CALN1: variants seen among roughly 807,000 people sequenced by gnomAD.
The protein encoded by CALN1 is calcium-binding protein 8.
In CALN1, 17 loss-of-function variants were observed where a neutral mutation model predicts 30.6. That is an observed-to-expected ratio of 0.56 (90% CI 0.38 to 0.83). CALN1 has a LOEUF of 0.83. Among genes scored for constraint, CALN1 ranks in the 40% least tolerant of loss-of-function variants. The pLI, the probability that CALN1 is intolerant of heterozygous loss-of-function variation, is 0.00. For synonymous variants in CALN1, 156 were observed against 131.4 expected, an observed-to-expected ratio of 1.19 and a Z score of -1.28; for missense variants, 291 against 354.9, an observed-to-expected ratio of 0.82 and a Z score of 1.45.
In CALN1 at chr7:72,392,390, C is replaced by G. The variant is rs531980701; in HGVS notation, c.119+10861G>C. 2.6e-5 allele frequency among the ~76,000 whole-genome samples: 4 copies of G among 152,294 alleles called. No homozygotes were observed. In the East Asian group the frequency reaches 7.7e-4, roughly 29 times the overall value. On this transcript the variant is annotated intron_variant, in intron 2 of 6. Coordinates refer to ENST00000395275, the MANE Select transcript of CALN1 (RefSeq NM_031468.4). Reference sequence around the variant, plus strand: ...TTATTACAAAGCAATAGTAACTGGACTCAGAGACAAAAAGTTCAGGAAGAG... The same window carrying G: ...TTATTACAAAGCAATAGTAACTGGAGTCAGAGACAAAAAGTTCAGGAAGAG...
chr7:72,205,551 A>AAATATATACATATATATATATACATAT, intron 3 of CALN1, among the ~76,000 whole-genome samples: 1 of 83,052 alleles, frequency 1.2e-5, no homozygotes, highest in Admixed American at 1.4e-4. Flanking sequence ...GCAAAAAAAA[A>AAATATATACATATATATATATACATAT]ATATATATAT....
At chr7:72,233,514 G>C (rs1194451939) in intron 3 of CALN1, among the ~76,000 whole-genome samples, 2 of 152,072 alleles carry the variant, frequency 1.3e-5, no homozygotes, top group African/African-American at 4.8e-5. Context: ...CCAGGAGTTT[G>C]AGACCAGCAT....
At chr7:71,951,216 G>A (rs1207436377) in intron 5 of CALN1, among the ~76,000 whole-genome samples, 1 of 152,128 alleles carries the variant, frequency 6.6e-6, no homozygotes, top group Non-Finnish European at 1.5e-5. Context: ...TGGCATAAGG[G>A]ACTTTGATCA....
At chr7:72,328,667 T>C (rs1801450646) in intron 2 of CALN1, among the ~76,000 whole-genome samples, 1 of 152,212 alleles carries the variant, frequency 6.6e-6, no homozygotes. Context: ...CAACATTCTA[T>C]TCAAGGCATT....
At chr7:72,401,301 C>T (rs1806325179) in intron 2 of CALN1, among the ~76,000 whole-genome samples, 3 of 150,364 alleles carry the variant, frequency 2.0e-5, no homozygotes, top group African/African-American at 7.5e-5. Flanking sequence ...GCTGTGTTCT[C>T]ACTCCCCTCC....
intron 3 of CALN1, among the ~76,000 whole-genome samples, chr7:72,142,539 A>G (rs1032370197): frequency 6.6e-6 from 1 of 152,152 alleles, no homozygotes; most frequent in African/African-American, 2.4e-5. Context: ...TGGAGACTCC[A>G]CCTCTGGGGG....
intron 3 of CALN1, among the ~76,000 whole-genome samples, chr7:72,254,959 T>C (rs964316806): frequency 1.3e-5 from 2 of 151,998 alleles, no homozygotes; most frequent in Admixed American, 1.3e-4. Flanking sequence ...TTATTATTTA[T>C]TGTTTGTATT....
chr7:72,310,613 G>C (rs367900305), intron 2 of CALN1, among the ~76,000 whole-genome samples: 3 of 151,834 alleles, frequency 2.0e-5, no homozygotes, highest in South Asian at 2.1e-4. Context: ...ACATCAAAAC[G>C]TAAGAGCAGG....
intron 2 of CALN1, among the ~76,000 whole-genome samples, chr7:72,354,080 G>A (rs1803088839): frequency 6.6e-6 from 1 of 152,060 alleles, no homozygotes; most frequent in Non-Finnish European, 1.5e-5. Flanking sequence ...CCAGCTACTC[G>A]GGAGGCTGAG....
chr7:72,260,569 G>A (rs1796196976), intron 3 of CALN1, among the ~76,000 whole-genome samples: 1 of 152,144 alleles, frequency 6.6e-6, no homozygotes, highest in Non-Finnish European at 1.5e-5. Flanking sequence ...CAGCAGCTCA[G>A]GGCACTTTTC....
chr7:72,139,352 A>C (rs1435383339), intron 3 of CALN1, among the ~76,000 whole-genome samples: 2 of 140,006 alleles, frequency 1.4e-5, no homozygotes, highest in Non-Finnish European at 3.1e-5. Flanking sequence ...GCCCACCTCC[A>C]CCATGCCCAC....
intron 2 of CALN1, among the ~76,000 whole-genome samples, chr7:72,353,219 C>G (rs151205601): frequency 1.3e-5 from 2 of 151,410 alleles, no homozygotes; most frequent in African/African-American, 4.8e-5. Flanking sequence ...AAATAGAGAG[C>G]GGGAACACAG....
At chr7:72,052,383 G>C (rs1163306090) in intron 4 of CALN1, among the ~76,000 whole-genome samples, 1 of 152,090 alleles carries the variant, frequency 6.6e-6, no homozygotes, top group Non-Finnish European at 1.5e-5. Context: ...CGGAGGATCT[G>C]CCCCTTCCCC....
chr7:72,023,160 A>G (rs535706873), intron 5 of CALN1, among the ~76,000 whole-genome samples: 23 of 152,188 alleles, frequency 1.5e-4, no homozygotes, highest in Non-Finnish European at 3.2e-4. Context: ...TTACAATGTT[A>G]GATGTTTGGA....
chr7:72,439,280 C>T (rs1015427198), intron 1 of CALN1, among the ~76,000 whole-genome samples: 2 of 152,182 alleles, frequency 1.3e-5, no homozygotes, highest in Non-Finnish European at 2.9e-5. Flanking sequence ...AATCCTCCTA[C>T]CTCAGCCTCC....
intron 2 of CALN1, among the ~76,000 whole-genome samples, chr7:72,402,733 G>A (rs923617942): frequency 6.6e-6 from 1 of 152,208 alleles, no homozygotes; most frequent in Non-Finnish European, 1.5e-5. Context: ...GACAGACAGG[G>A]TAGCCTAGTG....
chr7:72,449,557 C>A (rs529921817), upstream of CALN1, among the ~76,000 whole-genome samples: 2 of 151,988 alleles, frequency 1.3e-5, no homozygotes, highest in Non-Finnish European at 2.9e-5. Context: ...CCCCACTGGC[C>A]GGAAAATCTT....
Position 72,238,391 on chromosome 7 carries a change from T to G in CALN1, c.244+40295A>C, listed in dbSNP as rs373732012. Among the ~76,000 whole-genome samples the G allele has an allele frequency of 1.7e-4, 26 of 152,308 alleles. No individual in the cohort carries two copies. The East Asian group carries it at 4.8e-3, about 28-fold the overall frequency. On this transcript the variant is annotated intron_variant, in intron 3 of 6. Coordinates refer to ENST00000395275, the MANE Select transcript of CALN1 (RefSeq NM_031468.4). The stretch of plus-strand genomic sequence containing the variant: ...TATAATGAATTTATTTCCTAGAAAT[T>G]TATTGAATGAATTATTTAATGAGTA...
intron 5 of CALN1, among the ~76,000 whole-genome samples, chr7:71,892,446 T>G (rs1387135298): frequency 6.6e-6 from 1 of 152,094 alleles, no homozygotes; most frequent in African/African-American, 2.4e-5. Context: ...AGACCAGCCT[T>G]GGGCAACAAG....
Sources: gnomAD v4.1 joint callset for allele counts (sites outside exome capture counted in the v4.1 genomes callset) on GRCh38, gnomAD v4.1.1 for gene constraint, MANE v1.5 for transcripts, NCBI Gene and HGNC (gene_info 2026-07-23, HGNC 2026-07-21) for gene names.